The following ZC3H6 variants were observed in gnomAD, a reference collection of about 807,000 sequenced individuals.
ZC3H6 encodes zinc finger CCCH-type containing 6.
In ZC3H6, 40 loss-of-function variants were observed where a neutral mutation model predicts 107.7. The ratio of observed to expected loss-of-function variants is 0.37; its 90% CI spans 0.29 to 0.48. ZC3H6 has a LOEUF of 0.48. Among genes scored for constraint, ZC3H6 ranks in the 20% least tolerant of loss-of-function variants. ZC3H6 has a pLI of 0.98. For missense variants in ZC3H6, 1,267 were observed against 1,410.4 expected (o/e 0.90, Z 1.63); for synonymous variants, 493 against 487.9 (o/e 1.01, Z -0.14).
rs1677070392 is a variant in ZC3H6, at chr2:112,333,158, AG to A, written c.*671del. ...ATTTTGCTAAAGTGAAAAATTTCCA[AG>A]TTCTCTAGCATAACTTTTTACATTT... On this transcript the variant is annotated 3_prime_UTR_variant, in exon 12 of 12. Transcript: ENST00000409871. 6.6e-6 allele frequency: 1 copy of A among 152,606 alleles called. No homozygotes were observed. The highest frequency in any genetic ancestry group is 1.5e-5 in the Non-Finnish European group (1 of 67,992). The allele number at this position is 152,606 out of a possible 1,614,324, so 9.5% of individuals were successfully genotyped here. A position where few individuals can be genotyped will look rare whatever the true frequency, so the allele number is the denominator to read the frequency against.
At chr2:112,308,548 A>C (rs1394454896) in intron 3 of ZC3H6, among the ~76,000 whole-genome samples, 1 of 150,306 alleles carries the variant, frequency 6.7e-6, no homozygotes, top group Non-Finnish European at 1.5e-5. Context: ...CTCCTGCCTC[A>C]GACTCCTGAG....
Position 112,338,881 on chromosome 2 carries a change from AT to A in ZC3H6, c.*6394del. The A allele has an allele frequency of 3.2e-4, 6 of 18,630 alleles. No individual in the cohort carries two copies. The South Asian group carries it at 0.011, about 35-fold the overall frequency. 1.2% of individuals were successfully genotyped at this position (18,630 alleles called of 1,614,324 possible). On this transcript the variant is annotated 3_prime_UTR_variant, in exon 12 of 12. Transcript: ENST00000409871. ...TATATATATATATATATATATATAT[AT>A]ATATATATATATATATATATATATA...
intron 9 of ZC3H6, among the ~76,000 whole-genome samples, chr2:112,323,428 A>C (rs1410884091): frequency 6.6e-6 from 1 of 152,228 alleles, no homozygotes; most frequent in Non-Finnish European, 1.5e-5. Context: ...AGGAGGTCTC[A>C]GCCAATGAGG....
At chr2:112,288,639 A>G (rs996703058) in intron 1 of ZC3H6, among the ~76,000 whole-genome samples, 3 of 152,356 alleles carry the variant, frequency 2.0e-5, no homozygotes, top group Middle Eastern at 3.4e-3. Flanking sequence ...CTACCTTGCT[A>G]TGATGTTAAG....
rs1443391170 is a variant in ZC3H6, at chr2:112,334,297, G to T, written c.*1809G>T. On this transcript the variant is annotated 3_prime_UTR_variant, in exon 12 of 12. Coordinates refer to ENST00000409871, the MANE Select transcript of ZC3H6 (RefSeq NM_198581.3). ...AAGGTGTAATTTACTCTTTTGTCAG[G>T]ATAAAATCAGAAAAATGGCTGATTT... The T allele has an allele frequency of 6.6e-6, 1 of 151,932 alleles. No homozygotes were observed. Among genetic ancestry groups the T allele is most frequent in the African/African-American group, 2.4e-5 (1 of 41,402 alleles). 9.4% of individuals were successfully genotyped at this position (151,932 alleles called of 1,614,324 possible).
At chr2:112,300,690 T>G (rs541250085) in intron 2 of ZC3H6, among the ~76,000 whole-genome samples, 36 of 152,196 alleles carry the variant, frequency 2.4e-4, no homozygotes, top group Admixed American at 9.8e-4. Context: ...TATGGAAACC[T>G]TTATGCTGTA....
intron 1 of ZC3H6, among the ~76,000 whole-genome samples, chr2:112,282,332 G>GT (rs1415700114): frequency 6.6e-6 from 1 of 152,138 alleles, no homozygotes; most frequent in Non-Finnish European, 1.5e-5. Context: ...CCCTGCTTTA[G>GT]TTTTTTTAGA....
intron 5 of ZC3H6, among the ~76,000 whole-genome samples, chr2:112,314,640 T>A (rs1676658713): frequency 1.3e-5 from 2 of 152,188 alleles, no homozygotes; most frequent in African/African-American, 2.4e-5. Context: ...GCTCATTGAT[T>A]TTTGCATAAT....
At chr2:112,289,198 G>C (rs1472010054) in intron 1 of ZC3H6, among the ~76,000 whole-genome samples, 1 of 151,590 alleles carries the variant, frequency 6.6e-6, no homozygotes, top group African/African-American at 2.4e-5. Context: ...TAGAGACGGG[G>C]TTTCACCATG....
chr2:112,303,260 A>C lies in ZC3H6; in HGVS notation c.245A>C (p.Asp82Ala). ...TCCCCATCTAGTGATGATAGTTCGG[A>C]CTACAGCCTTGATTCAGATGTTGAA... ...HNSPSSDDSS[D>A]YSLDSDVEHT... is the part of the protein sequence containing the mutation. The change falls in exon 3 of 12, where the codon GAC becomes GCC. Residue 82 changes from aspartate to alanine, a missense_variant. Transcript: ENST00000409871. 6.2e-7 allele frequency: 1 copy of C among 1,612,556 alleles called. No homozygotes were observed. Among genetic ancestry groups the C allele is most frequent in the Non-Finnish European group, 8.5e-7 (1 of 1,178,924 alleles).
chr2:112,304,840 A>G (rs563579786), intron 3 of ZC3H6, among the ~76,000 whole-genome samples: 45 of 152,332 alleles, frequency 3.0e-4, no homozygotes, highest in African/African-American at 1.1e-3. Flanking sequence ...TTGTGAGTTT[A>G]GAAACCAAAA....
intron 3 of ZC3H6, among the ~76,000 whole-genome samples, chr2:112,304,046 G>C (rs1262844170): frequency 2.0e-5 from 3 of 152,152 alleles, no homozygotes; most frequent in Non-Finnish European, 2.9e-5. Flanking sequence ...TTACAATAAT[G>C]TAAGTATAAA....
intron 1 of ZC3H6, among the ~76,000 whole-genome samples, chr2:112,299,185 T>G (rs186593188): frequency 1.9e-4 from 29 of 150,184 alleles, no homozygotes; most frequent in African/African-American, 5.9e-4. Context: ...GCTGAGGCAG[T>G]AGAATGGCGT....
At chr2:112,312,642 C>A (rs1042283112) in intron 5 of ZC3H6, among the ~76,000 whole-genome samples, 28 of 152,216 alleles carry the variant, frequency 1.8e-4, no homozygotes, top group Admixed American at 1.7e-3. Flanking sequence ...TCGGACAGAT[C>A]CTGAGGTCAG....
intron 3 of ZC3H6, among the ~76,000 whole-genome samples, chr2:112,309,292 A>G (rs1220064783): frequency 6.6e-6 from 1 of 152,230 alleles, no homozygotes; most frequent in African/African-American, 2.4e-5. Context: ...TGCTTTAGTA[A>G]GGAAGCAATA....
intron 11 of ZC3H6, among the ~76,000 whole-genome samples, chr2:112,329,806 G>A (rs1399770476): frequency 1.3e-5 from 2 of 152,100 alleles, no homozygotes; most frequent in African/African-American, 4.8e-5. Flanking sequence ...TTACGTTCTG[G>A]CAAGAATGTG....
intron 1 of ZC3H6, among the ~76,000 whole-genome samples, chr2:112,299,256 G>A (rs1368366049): frequency 1.4e-5 from 2 of 143,912 alleles, no homozygotes; most frequent in South Asian, 2.2e-4. Flanking sequence ...CAGCCTGGGC[G>A]TCAGAGTGAG....
Position 112,337,129 on chromosome 2 carries a change from A to G in ZC3H6, c.*4641A>G, listed in dbSNP as rs954510617. The G allele has an allele frequency of 6.6e-6, 1 of 152,146 alleles. No homozygotes were observed. Among genetic ancestry groups the G allele is most frequent in the Admixed American group, 6.5e-5 (1 of 15,268 alleles). The allele number at this position is 152,146 out of a possible 1,614,324, so 9.4% of individuals were successfully genotyped here. A position where few individuals can be genotyped will look rare whatever the true frequency, so the allele number is the denominator to read the frequency against. On this transcript the variant is annotated 3_prime_UTR_variant, in exon 12 of 12. Coordinates refer to ENST00000409871, the MANE Select transcript of ZC3H6 (RefSeq NM_198581.3). ...CCCACCCTCAGCCCAAGCAATGTGAAGACAGATTATGGCAACTTAGGAGCT... is the reference window on the plus strand; with the variant it reads ...CCCACCCTCAGCCCAAGCAATGTGAGGACAGATTATGGCAACTTAGGAGCT...
intron 11 of ZC3H6, among the ~76,000 whole-genome samples, chr2:112,328,688 C>T (rs899409098): frequency 6.6e-6 from 1 of 152,126 alleles, no homozygotes; most frequent in Non-Finnish European, 1.5e-5. Flanking sequence ...CGCCTGTAAT[C>T]CCAGCACTTT....
Sources: gnomAD v4.1 joint callset for allele counts (sites outside exome capture counted in the v4.1 genomes callset) on GRCh38, gnomAD v4.1.1 for gene constraint, MANE v1.5 for transcripts, NCBI Gene and HGNC (gene_info 2026-07-23, HGNC 2026-07-21) for gene names.